The following TRMT9B variants were observed in gnomAD, a reference collection of about 807,000 sequenced individuals.
TRMT9B encodes tRNA methyltransferase 9B (putative).
A neutral mutation model predicts 11.5 loss-of-function variants in TRMT9B; 16 were observed. The ratio of observed to expected loss-of-function variants is 1.39; its 90% CI spans 0.94 to 2.11. The LOEUF (loss-of-function observed/expected upper bound fraction) is 2.11. TRMT9B is among the 30% of genes most tolerant of loss of function. TRMT9B has a pLI of 0.00. For missense variants in TRMT9B, 941 were observed against 553.8 expected (o/e 1.70, Z -7.02); for synonymous variants, 274 against 192.4 (o/e 1.42, Z -3.51).
chr8:12,949,196 A>T (rs2128854951), intron 1 of TRMT9B, among the ~76,000 whole-genome samples: 1 of 152,042 alleles, frequency 6.6e-6, no homozygotes, highest in South Asian at 2.1e-4. Flanking sequence ...CCATTCTAAG[A>T]ACTCAAGTTA....
At chr8:12,975,021 GTT>G (rs879279883) in intron 1 of TRMT9B, among the ~76,000 whole-genome samples, 3 of 143,494 alleles carry the variant, frequency 2.1e-5, no homozygotes, top group Non-Finnish European at 4.6e-5. Context: ...TACATAAGCA[GTT>G]TTTTTTTTTT....
chr8:12,977,876 A>T (rs1804710850), intron 1 of TRMT9B, among the ~76,000 whole-genome samples: 1 of 151,872 alleles, frequency 6.6e-6, no homozygotes, highest in African/African-American at 2.4e-5. Flanking sequence ...AAAATACAAA[A>T]ACATTAGCCA....
At chr8:12,952,968 GAC>G (rs1800823798) in intron 1 of TRMT9B, among the ~76,000 whole-genome samples, 1 of 152,150 alleles carries the variant, frequency 6.6e-6, no homozygotes, top group African/African-American at 2.4e-5. Flanking sequence ...TGGAACTCCT[GAC>G]CTCGTGATCC....
At chr8:12,987,855 G>C (rs897664573) in intron 1 of TRMT9B, among the ~76,000 whole-genome samples, 1 of 152,106 alleles carries the variant, frequency 6.6e-6, no homozygotes, top group African/African-American at 2.4e-5. Flanking sequence ...ATTCATGATG[G>C]TGTGCCAACT....
At chr8:13,009,145 C>G (rs1443181242) in intron 3 of TRMT9B, among the ~76,000 whole-genome samples, 3 of 152,068 alleles carry the variant, frequency 2.0e-5, no homozygotes, top group South Asian at 2.1e-4. Context: ...TGAAATCAGC[C>G]AGGCACAGAA....
rs747391228 is a variant in TRMT9B at position 13,006,284 on chromosome 8, C to G, written c.82C>G (p.Gln28Glu). The stretch of plus-strand genomic sequence containing the variant: ...CACAGCCCCTTACTTCAGCGACCTG[C>G]AGAGCAAAGCCTGGCCTCGTGTCCG... ...ESTAPYFSDLQSKAWPRVRQF... is the reference protein window; with the variant it reads ...ESTAPYFSDLESKAWPRVRQF... The change falls in exon 3 of 5, where the codon CAG (glutamine) becomes GAG (glutamate). Residue 28 changes from glutamine to glutamate, a missense_variant. Physicochemically the swap from Gln to Glu is conservative, Grantham distance 29. Transcript: ENST00000524591. 6.2e-7 allele frequency: 1 copy of G among 1,613,830 alleles called. No homozygotes were observed. Among genetic ancestry groups the G allele is most frequent in the African/African-American group, 1.3e-5 (1 of 74,934 alleles).
At position 13,025,091 on chromosome 8, in the gene TRMT9B, C is replaced by T. The variant is rs1376790590; in HGVS notation, c.*3047C>T. On this transcript the variant is annotated 3_prime_UTR_variant, in exon 5 of 5. Coordinates refer to ENST00000524591, the MANE Select transcript of TRMT9B (RefSeq NM_020844.3). The stretch of plus-strand genomic sequence containing the variant: ...ACTGACCTAGCTGGAGTAATCTGAT[C>T]ACTTACTTCCTTATTAATACTAGAT... 6.0e-6 allele frequency: 1 copy of T among 166,616 alleles called. No homozygotes were observed. The highest frequency in any genetic ancestry group is 1.5e-5 in the Non-Finnish European group (1 of 68,120). 10.3% of individuals were successfully genotyped at this position (166,616 alleles called of 1,614,324 possible). A position where few individuals can be genotyped will look rare whatever the true frequency, so the allele number is the denominator to read the frequency against.
At chr8:12,988,265 C>T (rs1381699002) in intron 1 of TRMT9B, among the ~76,000 whole-genome samples, 3 of 152,158 alleles carry the variant, frequency 2.0e-5, no homozygotes, top group Admixed American at 2.0e-4. Context: ...GCTCCTGTAG[C>T]ACCGGCGCAC....
At chr8:12,991,586 G>A (rs1543222) in intron 2 of TRMT9B, among the ~76,000 whole-genome samples, 129,215 of 152,152 alleles carry the variant, frequency 0.85, 54,984 homozygotes, top group Middle Eastern at 0.89. Flanking sequence ...TCCAATATTT[G>A]TATTTCTTTT....
intron 2 of TRMT9B, among the ~76,000 whole-genome samples, chr8:13,002,057 CTG>C (rs1224612553): frequency 8.5e-5 from 13 of 152,136 alleles, no homozygotes; most frequent in Non-Finnish European, 1.3e-4. Context: ...ATAAAGTTAA[CTG>C]TAAAATATCA....
rs1202003730 is a variant in TRMT9B, at chr8:13,027,992, G to A, written c.*5948G>A. On this transcript the variant is annotated 3_prime_UTR_variant, in exon 5 of 5. Coordinates refer to ENST00000524591, the MANE Select transcript of TRMT9B (RefSeq NM_020844.3). Reference sequence around the variant, plus strand: ...TTAAAAAGATCTCTCACCAAACAAGGATTGAAATTGTATTGCAAATGAAAG... The same window carrying A: ...TTAAAAAGATCTCTCACCAAACAAGAATTGAAATTGTATTGCAAATGAAAG... The A allele has an allele frequency of 6.0e-6, 1 of 166,890 alleles. No individual in the cohort carries two copies. Among genetic ancestry groups the A allele is most frequent in the Non-Finnish European group, 1.5e-5 (1 of 68,122 alleles). 10.3% of individuals were successfully genotyped at this position (166,890 alleles called of 1,614,324 possible).
chr8:12,997,727 T>A (rs1585274867), intron 2 of TRMT9B, among the ~76,000 whole-genome samples: 1 of 152,206 alleles, frequency 6.6e-6, no homozygotes, highest in South Asian at 2.1e-4. Flanking sequence ...TTGGTGAATA[T>A]GGGTGTCCAT....
intron 4 of TRMT9B, among the ~76,000 whole-genome samples, chr8:13,018,785 A>C (rs1466289857): frequency 6.6e-6 from 1 of 152,166 alleles, no homozygotes; most frequent in African/African-American, 2.4e-5. Flanking sequence ...GCCTGAACGA[A>C]GTTATCTAAC....
At chr8:12,949,257 A>C (rs1054462026) in intron 1 of TRMT9B, among the ~76,000 whole-genome samples, 9 of 152,126 alleles carry the variant, frequency 5.9e-5, no homozygotes, top group African/African-American at 2.2e-4. Context: ...ATCCACTGAA[A>C]TTTTAAAAAA....
chr8:12,966,973 T>C (rs1018921397), intron 1 of TRMT9B, among the ~76,000 whole-genome samples: 1 of 152,228 alleles, frequency 6.6e-6, no homozygotes, highest in Non-Finnish European at 1.5e-5. Flanking sequence ...ATTTTAGGGC[T>C]AGGTAGTACT....
intron 1 of TRMT9B, among the ~76,000 whole-genome samples, chr8:12,977,858 A>AT (rs1804707068): frequency 1.3e-5 from 2 of 151,712 alleles, no homozygotes; most frequent in South Asian, 4.2e-4. Context: ...CTACAAAAAA[A>AT]AAAGAAAAAA....
chr8:12,965,975 C>T (rs547910597), intron 1 of TRMT9B, among the ~76,000 whole-genome samples: 14 of 151,242 alleles, frequency 9.3e-5, no homozygotes, highest in Admixed American at 5.3e-4. Context: ...ATAGTGCCAC[C>T]GCACCCCAGC....
In TRMT9B at chr8:13,022,129, T is replaced by C. The variant is rs1814066143; in HGVS notation, c.*85T>C. ...TATGGTTACCTGAATTTGCATTCAG[T>C]GTTATTTGTTAATCCATTTACGCTT... On this transcript the variant is annotated 3_prime_UTR_variant, in exon 5 of 5. Coordinates refer to ENST00000524591, the MANE Select transcript of TRMT9B (RefSeq NM_020844.3). The C allele has an allele frequency of 1.0e-6, 1 of 962,018 alleles. No homozygotes were observed. The highest frequency in any genetic ancestry group is 1.5e-6 in the Non-Finnish European group (1 of 651,556). The allele number at this position is 962,018 out of a possible 1,614,324, so 59.6% of individuals were successfully genotyped here.
intron 1 of TRMT9B, chr8:12,960,305 A>T (rs577519970): frequency 6.6e-6 from 1 of 152,226 alleles, no homozygotes; most frequent in Non-Finnish European, 1.5e-5. Context: ...TTAAGAAAAT[A>T]TATCTGCAAA....
Sources: gnomAD v4.1 joint callset for allele counts (sites outside exome capture counted in the v4.1 genomes callset) on GRCh38, gnomAD v4.1.1 for gene constraint, MANE v1.5 for transcripts, NCBI Gene and HGNC (gene_info 2026-07-23, HGNC 2026-07-21) for gene names.